MAP4: variants seen among roughly 807,000 people sequenced by gnomAD.
MAP4 encodes the protein microtubule associated protein 4.
Under a neutral mutation model 170.2 loss-of-function variants are expected in MAP4, and 76 were observed. The observed-to-expected ratio is 0.45, with a 90% CI of 0.37 to 0.54. The LOEUF is 0.54. Among genes scored for constraint, MAP4 ranks in the 20% least tolerant of loss-of-function variants. The pLI, the probability that MAP4 is intolerant of heterozygous loss-of-function variation, is 0.00. For missense variants in MAP4, 2,506 were observed against 2,748.0 expected (o/e 0.91, Z 1.97); for synonymous variants, 909 against 994.5 (o/e 0.91, Z 1.62).
intron 2 of MAP4, among the ~76,000 whole-genome samples, chr3:47,996,610 A>T (rs540607529): frequency 1.3e-5 from 2 of 152,186 alleles, no homozygotes; most frequent in African/African-American, 4.8e-5. Flanking sequence ...TAATGACAAA[A>T]CCCAAAACTA....
At chr3:48,019,333 C>A (rs2100109424), upstream of MAP4, among the ~76,000 whole-genome samples, 2 of 151,956 alleles carry the variant, frequency 1.3e-5, no homozygotes, top group African/African-American at 4.8e-5. Flanking sequence ...GAAAGTGAGA[C>A]CACATCTCTG....
At chr3:47,906,401 GCCAGGCACGGTGGCTCAACAC>G (rs1301862940) in intron 9 of MAP4, among the ~76,000 whole-genome samples, 1 of 152,106 alleles carries the variant, frequency 6.6e-6, no homozygotes, top group Middle Eastern at 3.2e-3. Flanking sequence ...AGAAGTACTG[GCCAGGCACGGTGGCTCAACAC>G]CTGTAATTCC....
At position 47,909,893 on chromosome 3, in the gene MAP4, G is replaced by C; in HGVS notation, c.4528C>G (p.Leu1510Val). The C allele has an allele frequency of 6.2e-7, 1 of 1,613,992 alleles. No homozygotes were observed. Among genetic ancestry groups the C allele is most frequent in the Non-Finnish European group, 8.5e-7 (1 of 1,179,872 alleles). ...GTTTCTATGGCTGTTGTAATAGGTA[G>C]AGCAACTCCTCCTGTGCTTGTAGAG... Reference protein sequence around the residue: ...VPSTSTGGVALPITTAIETVN... With the variant: ...VPSTSTGGVAVPITTAIETVN... The change falls in exon 9 of 21, where the codon CTA becomes GTA. Residue 1510 changes from leucine (L) to valine (V), a missense_variant. Around this residue, in one of 3 missense-constraint regions of MAP4, gnomAD observed 2,008 missense variants for 2,206.0 expected, o/e 0.91. Coordinates refer to ENST00000683076, the MANE Select transcript of MAP4 (RefSeq NM_001385682.1).
intron 3 of MAP4, among the ~76,000 whole-genome samples, chr3:47,976,432 C>T (rs141056933): frequency 2.1e-4 from 32 of 152,328 alleles, no homozygotes; most frequent in Admixed American, 2.1e-3. Flanking sequence ...ATGAAAATGG[C>T]ATCCACTCTT....
intron 2 of MAP4, among the ~76,000 whole-genome samples, chr3:47,983,156 C>T (rs1375196745): frequency 6.6e-6 from 1 of 152,190 alleles, no homozygotes; most frequent in Non-Finnish European, 1.5e-5. Flanking sequence ...CTGCCTGCCT[C>T]AGCCTCCCAA....
chr3:47,916,564 A>G lies in MAP4; in HGVS notation c.1263T>C (p.Ala421=), dbSNP rs2100039338. Residue 421 remains alanine, a synonymous_variant, in exon 7 of 21, where the codon GCT becomes GCC. Coordinates refer to ENST00000683076, the MANE Select transcript of MAP4 (RefSeq NM_001385682.1). ...VLLSEIEVAQ[A]NDIISSTEIS... ...TTTCTGTGGATGATATAATGTCATT[A>G]GCCTGTGCCACCTCTATTTCTGAGA... The G allele has an allele frequency of 1.2e-6, 2 of 1,614,048 alleles. No individual in the cohort carries two copies. The highest frequency in any genetic ancestry group is 2.7e-5 in the African/African-American group (2 of 74,942).
chr3:48,045,880 C>T (rs1469249682), intron 1 of MAP4, among the ~76,000 whole-genome samples: 1 of 152,130 alleles, frequency 6.6e-6, no homozygotes, highest in Non-Finnish European at 1.5e-5. Flanking sequence ...AATTGTCACA[C>T]TCCTGTCTGA....
chr3:48,020,144 C>G (rs1421258589), upstream of MAP4, among the ~76,000 whole-genome samples: 1 of 152,106 alleles, frequency 6.6e-6, no homozygotes, highest in Non-Finnish European at 1.5e-5. Flanking sequence ...CCTCAGCCTC[C>G]CAAAGTGTTG....
At chr3:48,045,507 T>C (rs1440980311) in intron 1 of MAP4, among the ~76,000 whole-genome samples, 3 of 152,106 alleles carry the variant, frequency 2.0e-5, no homozygotes, top group Non-Finnish European at 4.4e-5. Context: ...ATCCAATGCC[T>C]GATGATCTTC....
chr3:47,930,768 T>A (rs1397534045), intron 3 of MAP4, among the ~76,000 whole-genome samples: 1 of 149,676 alleles, frequency 6.7e-6, no homozygotes, highest in East Asian at 2.0e-4. Context: ...CTACTACAAA[T>A]ACAAAAAAAA....
intron 3 of MAP4, chr3:47,931,919 T>C (rs1354565900): frequency 6.6e-6 from 1 of 152,228 alleles, no homozygotes; most frequent in Non-Finnish European, 1.5e-5. Context: ...CCAGCCTCTT[T>C]TTATTTTTTA....
chr3:47,850,951 C>G lies in MAP4; in HGVS notation c.*1983G>C, dbSNP rs1388144046. 1 of 152,324 alleles carries G rather than the reference C, an allele frequency of 6.6e-6. No homozygotes were observed. The highest frequency in any genetic ancestry group is 2.4e-5 in the African/African-American group (1 of 41,434). The allele number at this position is 152,324 out of a possible 1,614,324, so 9.4% of individuals were successfully genotyped here. On this transcript the variant is annotated 3_prime_UTR_variant, in exon 21 of 21. Coordinates refer to ENST00000683076, the MANE Select transcript of MAP4 (RefSeq NM_001385682.1). ...GAGCACGCCACTTGGGCCACCTACC[C>G]CCAACCTTTGGCCAAAGGAGTGAAA...
At chr3:47,989,365 C>T (rs1578878619) in intron 2 of MAP4, among the ~76,000 whole-genome samples, 2 of 152,316 alleles carry the variant, frequency 1.3e-5, no homozygotes, top group East Asian at 1.9e-4. Context: ...ATTTCTAATA[C>T]TTAAGCTTCA....
chr3:48,071,992 A>G (rs1399281398), intron 1 of MAP4, among the ~76,000 whole-genome samples: 3 of 151,976 alleles, frequency 2.0e-5, no homozygotes, highest in African/African-American at 7.2e-5. Context: ...AGGCCCAGGC[A>G]GGTGGATCGC....
intron 2 of MAP4, among the ~76,000 whole-genome samples, chr3:47,988,564 G>A (rs1463844247): frequency 6.6e-6 from 1 of 152,142 alleles, no homozygotes; most frequent in Non-Finnish European, 1.5e-5. Context: ...GAGAGTAGAT[G>A]TGAAACAGTT....
At position 47,998,842 on chromosome 3, in the gene MAP4, C is replaced by G. The variant is rs778253954; in HGVS notation, c.19G>C (p.Ala7Pro). The change falls in exon 2 of 21, where the codon GCA (alanine) becomes CCA (proline). Residue 7 changes from alanine (A) to proline (P), a missense_variant. Ala to Pro is a conservative substitution (Grantham distance 27). This residue lies in a region of MAP4 where 2,008 missense variants were observed against 2,206.0 expected (regional missense o/e 0.91). Coordinates refer to ENST00000683076, the MANE Select transcript of MAP4 (RefSeq NM_001385682.1). ...GGAGATGGTTCTGTTAATGCATCTG[C>G]AAGACTGAGGTCAGCCATTCTGCAC... is the stretch of plus-strand genomic sequence containing the variant. MADLSL[A>P]DALTEPSPDI... The G allele has an allele frequency of 2.0e-5, 32 of 1,614,078 alleles. No individual in the cohort carries two copies. The highest frequency in any genetic ancestry group is 2.7e-5 in the Non-Finnish European group (32 of 1,179,918).
intron 4 of MAP4, among the ~76,000 whole-genome samples, chr3:47,922,426 A>G (rs2100043469): frequency 1.3e-5 from 2 of 152,240 alleles, no homozygotes; most frequent in Admixed American, 6.5e-5. Flanking sequence ...CAACAAATGC[A>G]TAAAACAAAA....
intron 3 of MAP4, chr3:47,974,478 T>G: frequency 1.0e-6 from 1 of 984,740 alleles, no homozygotes; most frequent in Non-Finnish European, 1.2e-6. Flanking sequence ...GTGCCAATTA[T>G]TTCTTTTAAG....
At chr3:47,858,021 C>CTTTT (rs397817713) in intron 17 of MAP4, among the ~76,000 whole-genome samples, 1 of 118,378 alleles carries the variant, frequency 8.4e-6, no homozygotes, top group Admixed American at 8.9e-5. Flanking sequence ...CTGGCCTTCA[C>CTTTT]TTTTTTTTTT....
Sources: allele counts gnomAD v4.1 joint callset (sites outside exome capture counted in the v4.1 genomes callset), GRCh38; gene constraint gnomAD v4.1.1; regional missense constraint gnomAD v4.1.1; transcripts MANE v1.5; gene names NCBI Gene and HGNC (gene_info 2026-07-23, HGNC 2026-07-21).